Variants in FAM163A observed in about 807,000 individuals in gnomAD.
The protein encoded by FAM163A is protein FAM163A.
In FAM163A, 7 loss-of-function variants were observed where a neutral mutation model predicts 12.0. The observed-to-expected ratio is 0.58, with a 90% confidence interval of 0.33 to 1.10. FAM163A has a LOEUF of 1.10. FAM163A is among the 50% of genes least tolerant of loss of function. The pLI is 0.03. For missense variants in FAM163A, 202 were observed against 218.6 expected (o/e 0.92, Z 0.48); for synonymous variants, 101 against 91.0 (o/e 1.11, Z -0.62).
At chr1:179,744,578 C>G (rs1226027622) in intron 1 of FAM163A, among the ~76,000 whole-genome samples, 1 of 152,224 alleles carries the variant, frequency 6.6e-6, no homozygotes, top group Non-Finnish European at 1.5e-5. Context: ...CCGTGTTTTC[C>G]TGTCACACTG....
At chr1:179,747,167 G>GA (rs56223950) in intron 1 of FAM163A, among the ~76,000 whole-genome samples, 728 of 22,596 alleles carry the variant, frequency 0.032, 2 homozygotes, top group African/African-American at 0.086. Context: ...GAGATGCTTG[G>GA]AAAAAAAAAA....
At chr1:179,809,139 G>A (rs551368137) in intron 2 of FAM163A, among the ~76,000 whole-genome samples, 17 of 152,012 alleles carry the variant, frequency 1.1e-4, no homozygotes, top group Non-Finnish European at 1.9e-4. Context: ...TTAGTACTGG[G>A]GCTTCAGGGA....
At chr1:179,738,203 G>T in the FAM163A span, among the ~76,000 whole-genome samples, 1 of 152,162 alleles carries the variant, frequency 6.6e-6, no homozygotes, top group Non-Finnish European at 1.5e-5. Flanking sequence ...ACTTTAGGGT[G>T]AGAATTAATT....
intron 1 of FAM163A, among the ~76,000 whole-genome samples, chr1:179,775,580 T>C (rs1309998253): frequency 6.6e-6 from 1 of 152,198 alleles, no homozygotes; most frequent in East Asian, 1.9e-4. Context: ...AGCACACTTA[T>C]AATTGTGGCT....
intron 1 of FAM163A, among the ~76,000 whole-genome samples, chr1:179,759,731 A>G (rs1184244141): frequency 5.9e-5 from 9 of 152,014 alleles, no homozygotes; most frequent in Non-Finnish European, 8.8e-5. Flanking sequence ...CGGCGGCACA[A>G]TGTTGTCTCA....
chr1:179,811,145 G>A (rs575481144), intron 2 of FAM163A, among the ~76,000 whole-genome samples: 6 of 152,258 alleles, frequency 3.9e-5, no homozygotes, highest in East Asian at 3.9e-4. Context: ...GTGCAGGAAC[G>A]TGGGGGATGG....
intron 1 of FAM163A, among the ~76,000 whole-genome samples, chr1:179,768,594 T>A (rs1483875560): frequency 2.6e-5 from 4 of 152,098 alleles, no homozygotes; most frequent in African/African-American, 9.7e-5. Flanking sequence ...AAGTGTCTTA[T>A]GTATATGGAC....
At chr1:179,788,497 T>C (rs1478997118) in intron 1 of FAM163A, among the ~76,000 whole-genome samples, 2 of 152,152 alleles carry the variant, frequency 1.3e-5, no homozygotes, top group Non-Finnish European at 2.9e-5. Context: ...TGAGAACCGG[T>C]ATAGATCACT....
At chr1:179,791,850 A>G (rs1430208435) in intron 1 of FAM163A, among the ~76,000 whole-genome samples, 1 of 152,170 alleles carries the variant, frequency 6.6e-6, no homozygotes, top group Non-Finnish European at 1.5e-5. Flanking sequence ...ACTTCCAATT[A>G]TGATTGGATG....
chr1:179,811,536 A>C (rs1223608887), intron 2 of FAM163A, among the ~76,000 whole-genome samples: 1 of 152,196 alleles, frequency 6.6e-6, no homozygotes, highest in Non-Finnish European at 1.5e-5. Context: ...CTGAGATGCT[A>C]TCTTTCTAAT....
intron 1 of FAM163A, among the ~76,000 whole-genome samples, chr1:179,751,601 A>C (rs1685280540): frequency 6.6e-6 from 1 of 152,192 alleles, no homozygotes; most frequent in Non-Finnish European, 1.5e-5. Context: ...TTTGCTGTGA[A>C]AGTCAGGGAG....
intron 1 of FAM163A, among the ~76,000 whole-genome samples, chr1:179,791,367 C>T (rs1474451547): frequency 6.6e-6 from 1 of 152,206 alleles, no homozygotes. Context: ...AAAGCTGCTT[C>T]CCGGGCCCAT....
intron 1 of FAM163A, among the ~76,000 whole-genome samples, chr1:179,760,879 C>T (rs1375646337): frequency 8.5e-5 from 13 of 152,220 alleles, no homozygotes; most frequent in Non-Finnish European, 1.8e-4. Context: ...GGAATGTCCT[C>T]TTCCCACCCC....
chr1:179,736,605 C>T, the FAM163A span, among the ~76,000 whole-genome samples: 7 of 152,024 alleles, frequency 4.6e-5, no homozygotes, highest in Admixed American at 3.3e-4. Flanking sequence ...GTCAGGAGTT[C>T]GAGACCAACT....
At chr1:179,779,574 T>C (rs1055769243) in intron 1 of FAM163A, among the ~76,000 whole-genome samples, 2 of 152,234 alleles carry the variant, frequency 1.3e-5, no homozygotes, top group South Asian at 2.1e-4. Context: ...GCTGTTTCCA[T>C]TGAATGAATA....
chr1:179,801,027 T>G (rs1211254148), intron 1 of FAM163A, among the ~76,000 whole-genome samples: 2 of 152,176 alleles, frequency 1.3e-5, no homozygotes, highest in African/African-American at 4.8e-5. Context: ...ACTGCTGTTC[T>G]CATGGTCACC....
the FAM163A span, among the ~76,000 whole-genome samples, chr1:179,736,663 A>T: frequency 1.3e-5 from 2 of 152,050 alleles, no homozygotes; most frequent in Non-Finnish European, 2.9e-5. Flanking sequence ...CAAAAAAAAA[A>T]TTAGCCAGGC....
chr1:179,763,875 A>G (rs1687131309), intron 1 of FAM163A, among the ~76,000 whole-genome samples: 1 of 152,204 alleles, frequency 6.6e-6, no homozygotes, highest in South Asian at 2.1e-4. Context: ...TAGAGGACTT[A>G]GCTGGGTGTG....
At chr1:179,754,568 C>A (rs77941285) in intron 1 of FAM163A, among the ~76,000 whole-genome samples, 1 of 151,934 alleles carries the variant, frequency 6.6e-6, no homozygotes, top group Non-Finnish European at 1.5e-5. Context: ...GGATGAAAGA[C>A]GTAAAGATGA....
Sources: gnomAD v4.1 joint callset for allele counts (sites outside exome capture counted in the v4.1 genomes callset) on GRCh38, gnomAD v4.1.1 for gene constraint, MANE v1.5 for transcripts, NCBI Gene and HGNC (gene_info 2026-07-23, HGNC 2026-07-21) for gene names.